The following RHPN1 variants were observed in gnomAD, a reference collection of about 807,000 sequenced individuals.
RHPN1 encodes rhophilin Rho GTPase binding protein 1, also known as rhophilin-1.
A neutral mutation model predicts 74.7 loss-of-function variants in RHPN1; 77 were observed. The observed-to-expected ratio is 1.03, with a 90% CI of 0.86 to 1.25. The LOEUF (loss-of-function observed/expected upper bound fraction) is 1.25, where lower values mean the gene tolerates loss of function less well. RHPN1 is among the 50% of genes most tolerant of loss of function. The probability of loss-of-function intolerance (pLI) is 0.00; values close to 1 mark genes in which losing one functional copy is unlikely to be tolerated. For synonymous variants in RHPN1, 444 were observed against 414.5 expected (o/e 1.07, Z -0.87); for missense variants, 987 against 932.2 (o/e 1.06, Z -0.77).
intron 3 of RHPN1, among the ~76,000 whole-genome samples, 170 bp from the exon 4 acceptor site, chr8:143,377,210 C>T (rs546414164): frequency 3.3e-5 from 5 of 152,222 alleles, no homozygotes; most frequent in African/African-American, 9.6e-5. Flanking sequence ...CGGTTTAGGA[C>T]GGTGGGGGGT....
intron 12 of RHPN1, 89 bp from the exon 13 acceptor site, chr8:143,381,483 C>A: frequency 6.7e-7 from 1 of 1,500,056 alleles, no homozygotes; most frequent in Non-Finnish European, 9.0e-7. Flanking sequence ...CGGTGTCCCT[C>A]GGTGCACAGG....
At position 143,381,338 on chromosome 8, in the gene RHPN1, T is replaced by A; in HGVS notation, c.1482T>A (p.His494Gln). 6.2e-7 allele frequency: 1 copy of A among 1,609,388 alleles called. No homozygotes were observed. Among genetic ancestry groups the A allele is most frequent in the East Asian group, 2.2e-5 (1 of 44,710 alleles). The change falls in exon 12 of 15, where the codon CAT becomes CAA. Residue 494 changes from histidine (H) to glutamine (Q), a missense_variant. Physicochemically the swap from His to Gln is conservative, Grantham distance 24. Transcript: ENST00000289013. ...AGGGGAAGGGGCCTGACATCTTCCA[T>A]CGGCTGGTGAGCACACCCGTCCCCA... ...LSQGKGPDIFHRLGPLSVFSA... is the reference protein window; with the variant it reads ...LSQGKGPDIFQRLGPLSVFSA...
chr8:143,380,197 T>C (rs1818617579), intron 10 of RHPN1, 22 bp downstream of exon 10: 1 of 1,475,286 alleles, frequency 6.8e-7, no homozygotes, highest in Non-Finnish European at 9.1e-7. Flanking sequence ...ATGGGTGGAG[T>C]GCCCTGGGGC....
intron 3 of RHPN1, among the ~76,000 whole-genome samples, chr8:143,377,098 G>A (rs1818325003): frequency 6.6e-6 from 1 of 151,956 alleles, no homozygotes; most frequent in Non-Finnish European, 1.5e-5. Flanking sequence ...ATATATGTGT[G>A]TGCGTGCGCA....
chr8:143,380,264 C>A, intron 10 of RHPN1, 89 bp downstream of exon 10: 1 of 915,894 alleles, frequency 1.1e-6, no homozygotes, highest in Non-Finnish European at 1.6e-6. Context: ...CTGTTTGCCA[C>A]CTGCTGTCCC....
intron 1 of RHPN1, among the ~76,000 whole-genome samples, chr8:143,369,819 T>A (rs1422443558): frequency 6.6e-6 from 1 of 152,188 alleles, no homozygotes; most frequent in Non-Finnish European, 1.5e-5. Flanking sequence ...CGCGCGGCCC[T>A]CCTCCCCTCT....
At position 143,368,924 on chromosome 8, in the gene RHPN1, C is replaced by A; in HGVS notation, c.-64C>A. 7.5e-7 allele frequency: 1 copy of A among 1,325,472 alleles called. No individual in the cohort carries two copies. Among genetic ancestry groups the A allele is most frequent in the Non-Finnish European group, 9.8e-7 (1 of 1,018,756 alleles). 82.1% of individuals were successfully genotyped at this position (1,325,472 alleles called of 1,614,324 possible). ...GGTGCGGGCGGCCCTAGCCCGGCTG[C>A]GGAGCGCTGCGCGAGCGGCGGGCTG... On this transcript the variant is annotated 5_prime_UTR_variant, in exon 1 of 15. Transcript: ENST00000289013.
Position 143,382,511 on chromosome 8 carries a change from G to T in RHPN1, c.1873G>T (p.Ala625Ser). ...SQREHGCKTP[A>S]STWASPRPLL... ...GAGGGAGCATGGTTGCAAGACCCCG[G>T]CATCCACGTGGGCCAGTCCCCGGCC... The change falls in exon 15 of 15, where the codon GCA becomes TCA. Residue 625 changes from alanine to serine, a missense_variant. Coordinates refer to ENST00000289013, the MANE Select transcript of RHPN1 (RefSeq NM_052924.3). 5.6e-6 allele frequency: 9 copies of T among 1,608,982 alleles called. No individual in the cohort carries two copies. Among genetic ancestry groups the T allele is most frequent in the Non-Finnish European group, 7.6e-6 (9 of 1,178,438 alleles).
Position 143,384,086 on chromosome 8 carries a change from C to G in RHPN1, c.*1435C>G, listed in dbSNP as rs902768361. 1 of 152,190 alleles carries G rather than the reference C, an allele frequency of 6.6e-6. No homozygotes were observed. Among genetic ancestry groups the G allele is most frequent in the South Asian group, 2.1e-4 (1 of 4,834 alleles). The allele number at this position is 152,190 out of a possible 1,614,324, so 9.4% of individuals were successfully genotyped here. On this transcript the variant is annotated 3_prime_UTR_variant, in exon 15 of 15. Coordinates refer to ENST00000289013, the MANE Select transcript of RHPN1 (RefSeq NM_052924.3). ...GGGCAGGAGGGCAGGGCTCCCCAAC[C>G]TGCCTGAGCCGGGGTGGGGGTCCAG...
Position 143,382,542 on chromosome 8 carries a change from T to C in RHPN1, c.1904T>C (p.Leu635Pro). The part of the protein sequence containing the change: ...ASTWASPRPL[L>P]NWSRKAQQGK... Reference sequence around the variant, plus strand: ...ACGTGGGCCAGTCCCCGGCCCCTCCTCAACTGGAGCCGAAAGGCCCAGCAG... The same window carrying C: ...ACGTGGGCCAGTCCCCGGCCCCTCCCCAACTGGAGCCGAAAGGCCCAGCAG... Residue 635 changes from leucine (L) to proline (P), a missense_variant, in exon 15 of 15, where the codon CTC becomes CCC. Transcript: ENST00000289013. The C allele has an allele frequency of 6.2e-7, 1 of 1,611,544 alleles. No homozygotes were observed. The highest frequency in any genetic ancestry group is 8.5e-7 in the Non-Finnish European group (1 of 1,179,562).
chr8:143,379,622 C>G (rs1586828203), intron 8 of RHPN1, 114 bp downstream of exon 8: 1 of 1,450,076 alleles, frequency 6.9e-7, no homozygotes, highest in Admixed American at 2.6e-5. Context: ...CAGCCCCGAG[C>G]CAGCTGTTGT....
In RHPN1 at chr8:143,382,925, G is replaced by A. The variant is rs1818841171; in HGVS notation, c.*274G>A. The A allele has an allele frequency of 2.0e-6, 1 of 512,460 alleles. No homozygotes were observed. Among genetic ancestry groups the A allele is most frequent in the South Asian group, 2.3e-5 (1 of 42,744 alleles). The allele number at this position is 512,460 out of a possible 1,614,324, so 31.7% of individuals were successfully genotyped here. On this transcript the variant is annotated 3_prime_UTR_variant, in exon 15 of 15. Coordinates refer to ENST00000289013, the MANE Select transcript of RHPN1 (RefSeq NM_052924.3). The stretch of plus-strand genomic sequence containing the variant: ...GCCCCACCCTGAGGGCTCCTTACAG[G>A]GTGCTCCTCACAGCCATCCCATCTG...
At chr8:143,372,536 G>A (rs948327474) in intron 1 of RHPN1, among the ~76,000 whole-genome samples, 4 of 152,090 alleles carry the variant, frequency 2.6e-5, no homozygotes, top group Non-Finnish European at 4.4e-5. Context: ...TGGGCTGGGG[G>A]AGGCCAGGGT....
At chr8:143,379,642 T>TG (rs1037644201) in intron 8 of RHPN1, 134 bp downstream of exon 8, 23 of 1,444,796 alleles carry the variant, frequency 1.6e-5, no homozygotes, top group Middle Eastern at 5.1e-4. Flanking sequence ...TCCTGCTCCC[T>TG]GGGGGGGCTG....
chr8:143,371,572 G>T (rs183678998), intron 1 of RHPN1, among the ~76,000 whole-genome samples: 1 of 152,222 alleles, frequency 6.6e-6, no homozygotes, highest in Non-Finnish European at 1.5e-5. Flanking sequence ...CCGTCCCCAG[G>T]TCAGCCCCAC....
chr8:143,372,677 G>A (rs935178345), intron 1 of RHPN1, among the ~76,000 whole-genome samples: 6 of 151,570 alleles, frequency 4.0e-5, no homozygotes, highest in East Asian at 2.0e-4. Flanking sequence ...AGGGACCTCC[G>A]TCAGGCTCCC....
intron 1 of RHPN1, among the ~76,000 whole-genome samples, chr8:143,371,958 C>A (rs767611551): frequency 2.6e-5 from 4 of 152,234 alleles, no homozygotes; most frequent in Admixed American, 6.5e-5. Flanking sequence ...GTCTACCCAG[C>A]CTCAAAGGTC....
rs1401077204 is a variant in RHPN1 at position 143,375,608 on chromosome 8, A to C, written c.116A>C (p.Gln39Pro). The change falls in exon 2 of 15, where the codon CAG (glutamine) becomes CCG (proline). Residue 39 changes from glutamine (Q) to proline (P), a missense_variant. Coordinates refer to ENST00000289013, the MANE Select transcript of RHPN1 (RefSeq NM_052924.3). The part of the protein sequence containing the change: ...QCGQLQSRRA[Q>P]IHQQIDKELQ... ...GGCCAGCTGCAGAGCCGCAGGGCCC[A>C]GATTCACCAGCAGATTGACAAGGAG... 11 of 1,609,106 alleles carry C rather than the reference A, an allele frequency of 6.8e-6. No individual in the cohort carries two copies. The highest frequency in any genetic ancestry group is 9.3e-6 in the Non-Finnish European group (11 of 1,178,400).
chr8:143,375,713 G>A lies in RHPN1; in HGVS notation c.176+45G>A, dbSNP rs764631258. The A allele has an allele frequency of 6.2e-6, 9 of 1,442,696 alleles. 1 individual carries two copies. In the South Asian group the frequency reaches 1.1e-4, roughly 18 times the overall value. The allele number at this position is 1,442,696 out of a possible 1,614,324, so 89.4% of individuals were successfully genotyped here. On this transcript the variant is annotated intron_variant, in intron 2 of 14. Transcript: ENST00000289013. ...CGGCCCCGGGAGCAGGGCCCACCTG[G>A]GTGAGGGGGGCAGGACAGCCACGCA...
Sources: allele counts gnomAD v4.1 joint callset (sites outside exome capture counted in the v4.1 genomes callset), GRCh38; gene constraint gnomAD v4.1.1; transcripts MANE v1.5; gene names NCBI Gene and HGNC (gene_info 2026-07-23, HGNC 2026-07-21).